Variants in CPNE8 observed in about 807,000 individuals in gnomAD.
The protein encoded by CPNE8 is copine 8, also known as copine-8.
Under a neutral mutation model 81.5 loss-of-function variants are expected in CPNE8, and 45 were observed. That is an observed-to-expected ratio of 0.55 (90% CI 0.44 to 0.71). CPNE8 has a LOEUF of 0.71. CPNE8 is among the 30% of genes least tolerant of loss of function. CPNE8 has a pLI of 0.00. For missense variants in CPNE8, 594 were observed against 672.1 expected (o/e 0.88, Z 1.28); for synonymous variants, 252 against 226.3 (o/e 1.11, Z -1.02).
intron 10 of CPNE8, among the ~76,000 whole-genome samples, chr12:38,750,951 G>T (rs967620854): frequency 6.6e-6 from 1 of 152,182 alleles, no homozygotes; most frequent in Non-Finnish European, 1.5e-5. Flanking sequence ...TGTTGTGGGA[G>T]GGACCTGGTG....
chr12:38,810,776 T>C (rs928954134), intron 6 of CPNE8, among the ~76,000 whole-genome samples: 4 of 152,108 alleles, frequency 2.6e-5, no homozygotes, highest in African/African-American at 9.7e-5. Flanking sequence ...TCTATGTTTT[T>C]ATCTAGTGGA....
chr12:38,652,380 C>T lies in CPNE8; in HGVS notation c.*1502G>A, dbSNP rs1429360341. 1 of 152,396 alleles carries T rather than the reference C, an allele frequency of 6.6e-6. No individual in the cohort carries two copies. The highest frequency in any genetic ancestry group is 1.5e-5 in the Non-Finnish European group (1 of 67,968). 9.4% of individuals were successfully genotyped at this position (152,396 alleles called of 1,614,324 possible). A position where few individuals can be genotyped will look rare whatever the true frequency, so the allele number is the denominator to read the frequency against. ...TAGTTATGATTTAAAGATTTTAATACATAATTAAAAATCAACAATTATTAC... is the reference window on the plus strand; with the variant it reads ...TAGTTATGATTTAAAGATTTTAATATATAATTAAAAATCAACAATTATTAC... On this transcript the variant is annotated 3_prime_UTR_variant, in exon 20 of 20. Transcript: ENST00000331366.
rs1938723214 is a variant in CPNE8, at chr12:38,652,596, TG to T, written c.*1285del. On this transcript the variant is annotated 3_prime_UTR_variant, in exon 20 of 20. Transcript: ENST00000331366. ...AAATATTATAAAGCAGTTACATTTT[TG>T]ACACACACACACACACAAATAAATA... The T allele has an allele frequency of 6.6e-6, 1 of 152,306 alleles. No homozygotes were observed. The highest frequency in any genetic ancestry group is 2.1e-4 in the South Asian group (1 of 4,828). The allele number at this position is 152,306 out of a possible 1,614,324, so 9.4% of individuals were successfully genotyped here.
intron 10 of CPNE8, among the ~76,000 whole-genome samples, chr12:38,756,298 A>T (rs915144726): frequency 6.6e-6 from 1 of 151,812 alleles, no homozygotes; most frequent in Non-Finnish European, 1.5e-5. Flanking sequence ...AATTGTCTGA[A>T]ATACTCTAGC....
chr12:38,796,904 T>A (rs1373584427), intron 6 of CPNE8, among the ~76,000 whole-genome samples: 1 of 152,180 alleles, frequency 6.6e-6, no homozygotes, highest in Non-Finnish European at 1.5e-5. Flanking sequence ...ATCCCGCACA[T>A]GGCTCAGAGG....
intron 14 of CPNE8, 80 bp from the exon 15 acceptor site, chr12:38,693,918 G>T: frequency 1.8e-6 from 2 of 1,137,360 alleles, no homozygotes; most frequent in African/African-American, 1.6e-5. Context: ...GTCTATTTCA[G>T]AATGAAATAT....
intron 13 of CPNE8, among the ~76,000 whole-genome samples, chr12:38,717,109 A>G (rs1173805282): frequency 6.6e-6 from 1 of 152,080 alleles, no homozygotes; most frequent in East Asian, 1.9e-4. Context: ...TTCCTGCAAG[A>G]ACAGCCATAA....
At chr12:38,718,208 T>A (rs1273156629) in intron 13 of CPNE8, among the ~76,000 whole-genome samples, 1 of 152,148 alleles carries the variant, frequency 6.6e-6, no homozygotes, top group African/African-American at 2.4e-5. Flanking sequence ...TGGGCTAACT[T>A]AAGAAGAGTC....
At chr12:38,679,253 A>G (rs966708948) in intron 16 of CPNE8, among the ~76,000 whole-genome samples, 1 of 151,896 alleles carries the variant, frequency 6.6e-6, no homozygotes, top group Non-Finnish European at 1.5e-5. Context: ...ACTACTATGC[A>G]GTCATATAAA....
At position 38,831,971 on chromosome 12, in the gene CPNE8, T is replaced by C. The variant is rs553064281; in HGVS notation, c.331-2516A>G. Among the ~76,000 whole-genome samples the C allele has an allele frequency of 5.9e-5, 9 of 152,284 alleles. No homozygotes were observed. In the South Asian group the frequency reaches 1.7e-3, roughly 28 times the overall value. ...TGAAATTGCTCAAGAGAATAAAACA[T>C]AAATATTGAGCAGGATCATATTAAT... is the stretch of plus-strand genomic sequence containing the variant. On this transcript the variant is annotated intron_variant, in intron 5 of 19. Transcript: ENST00000331366.
At chr12:38,695,221 A>C (rs1250759429) in intron 14 of CPNE8, among the ~76,000 whole-genome samples, 2 of 152,208 alleles carry the variant, frequency 1.3e-5, no homozygotes, top group Non-Finnish European at 2.9e-5. Flanking sequence ...AATCTTCTAC[A>C]ACCAAGGAGT....
At chr12:38,732,201 T>G (rs1940847193) in intron 10 of CPNE8, among the ~76,000 whole-genome samples, 1 of 151,938 alleles carries the variant, frequency 6.6e-6, no homozygotes, top group South Asian at 2.1e-4. Context: ...CTCAATCCAA[T>G]GTTCAACTCT....
rs1491219731 is a variant in CPNE8, at chr12:38,717,427, G to GTATATATATATATATATATATATA, written c.914+6344_914+6345insTATATATATATATATATATATATA. On this transcript the variant is annotated intron_variant, in intron 13 of 19. Coordinates refer to ENST00000331366, the MANE Select transcript of CPNE8 (RefSeq NM_153634.3). ...CCAACAAGTAAACAAAGAAAGTGTG[G>GTATATATATATATATATATATATA]TGTATATATATATATATATATATAT... Among the ~76,000 whole-genome samples, 227 of 69,624 alleles carry GTATATATATATATATATATATATA rather than the reference G, an allele frequency of 3.3e-3. 40 individuals carry two copies. The highest frequency in any genetic ancestry group is 4.2e-3 in the Non-Finnish European group (162 of 38,644). 45.7% of individuals were successfully genotyped at this position (69,624 alleles called of 152,430 possible). A position where few individuals can be genotyped will look rare whatever the true frequency, so the allele number is the denominator to read the frequency against.
chr12:38,820,132 C>T (rs1016534975), intron 6 of CPNE8, among the ~76,000 whole-genome samples: 3 of 152,052 alleles, frequency 2.0e-5, no homozygotes, highest in Non-Finnish European at 2.9e-5. Flanking sequence ...ATTGGCAGGG[C>T]GTGGTGGCTC....
At chr12:38,808,955 G>T (rs2136981803) in intron 6 of CPNE8, among the ~76,000 whole-genome samples, 1 of 150,948 alleles carries the variant, frequency 6.6e-6, no homozygotes, top group East Asian at 1.9e-4. Flanking sequence ...ATGATATATT[G>T]ACAAAAATTT....
intron 6 of CPNE8, among the ~76,000 whole-genome samples, chr12:38,801,964 TA>T: frequency 2.2e-5 from 1 of 44,888 alleles, no homozygotes; most frequent in Non-Finnish European, 5.6e-5. Flanking sequence ...CTAACTATCC[TA>T]AATATTTATG....
chr12:38,903,227 C>A (rs1006637119), intron 1 of CPNE8, among the ~76,000 whole-genome samples: 7 of 152,148 alleles, frequency 4.6e-5, no homozygotes, highest in African/African-American at 1.7e-4. Context: ...TCAAACTTAT[C>A]GTAAATAGTA....
chr12:38,902,332 G>T (rs1401262760), intron 1 of CPNE8, among the ~76,000 whole-genome samples: 1 of 61,326 alleles, frequency 1.6e-5, no homozygotes, highest in South Asian at 4.5e-4. Flanking sequence ...AAGAAAGAAA[G>T]AAAGAAAGAA....
chr12:38,674,223 A>C (rs1442732095), intron 18 of CPNE8, among the ~76,000 whole-genome samples: 1 of 152,106 alleles, frequency 6.6e-6, no homozygotes, highest in Non-Finnish European at 1.5e-5. Context: ...GTGTTACCAG[A>C]AATATATGCC....
Sources: gnomAD v4.1 joint callset for allele counts (sites outside exome capture counted in the v4.1 genomes callset) on GRCh38, gnomAD v4.1.1 for gene constraint, MANE v1.5 for transcripts, NCBI Gene and HGNC (gene_info 2026-07-23, HGNC 2026-07-21) for gene names.